The following ANKRD36B variants were observed in gnomAD, a reference collection of about 807,000 sequenced individuals.
The protein encoded by ANKRD36B is ankyrin repeat domain-containing protein 36B.
Under a neutral mutation model 135.7 loss-of-function variants are expected in ANKRD36B, and 37 were observed. The observed-to-expected ratio is 0.27, with a 90% CI of 0.21 to 0.36. The LOEUF (loss-of-function observed/expected upper bound fraction) is 0.36. ANKRD36B is among the 10% of genes least tolerant of loss of function. The pLI, the probability that ANKRD36B is intolerant of heterozygous loss-of-function variation, is 1.00. For missense variants in ANKRD36B, 549 were observed against 1,037.1 expected, an observed-to-expected ratio of 0.53 and a Z score of 6.46; for synonymous variants, 179 against 348.1, an observed-to-expected ratio of 0.51 and a Z score of 5.41.
At chr2:97,586,622 T>C (rs1279354790) in intron 1 of ANKRD36B, among the ~76,000 whole-genome samples, 1 of 152,188 alleles carries the variant, frequency 6.6e-6, no homozygotes, top group Non-Finnish European at 1.5e-5. Flanking sequence ...GGGAAGTTTA[T>C]TGTGAAAAAA....
chr2:97,574,539 G>T (rs535681068), intron 6 of ANKRD36B, among the ~76,000 whole-genome samples: 13 of 152,272 alleles, frequency 8.5e-5, no homozygotes, highest in Non-Finnish European at 1.3e-4. Flanking sequence ...CCGTTACTGG[G>T]TATACACCCA....
At chr2:97,573,734 G>GC (rs2082043891) in intron 6 of ANKRD36B, among the ~76,000 whole-genome samples, 1 of 152,036 alleles carries the variant, frequency 6.6e-6, no homozygotes, top group Non-Finnish European at 1.5e-5. Context: ...AAATAATGCT[G>GC]CATGTCTACA....
chr2:97,561,750 T>G lies in ANKRD36B; in HGVS notation c.764-890A>C, dbSNP rs532973426. Among the ~76,000 whole-genome samples, 448 of 152,096 alleles carry G rather than the reference T, an allele frequency of 2.9e-3. 3 individuals carry two copies. The highest frequency in any genetic ancestry group is 4.9e-3 in the Non-Finnish European group (332 of 67,902). On this transcript the variant is annotated intron_variant, in intron 6 of 43. Transcript: ENST00000359901. ...TATCATGTTATTCTCTAGAGAATTT[T>G]TATTAAGTTGCTATTTTATCCAATA...
intron 6 of ANKRD36B, among the ~76,000 whole-genome samples, chr2:97,561,523 A>G: frequency 6.6e-6 from 1 of 151,922 alleles, no homozygotes. Flanking sequence ...TCATTGCAAC[A>G]AGGTATAATA....
At chr2:97,556,402 TC>T (rs2080524546) in intron 12 of ANKRD36B, among the ~76,000 whole-genome samples, 1 of 151,856 alleles carries the variant, frequency 6.6e-6, no homozygotes, top group Admixed American at 6.6e-5. Context: ...GTGAGTTCAC[TC>T]AGGTTTCCTC....
chr2:97,571,104 C>T (rs2081822222), intron 6 of ANKRD36B, among the ~76,000 whole-genome samples: 2 of 152,102 alleles, frequency 1.3e-5, no homozygotes, highest in African/African-American at 2.4e-5. Context: ...AAAAATATAT[C>T]CCATAGTATG....
intron 35 of ANKRD36B, among the ~76,000 whole-genome samples, chr2:97,527,633 C>T (rs2078292008): frequency 1.0e-5 from 1 of 95,668 alleles, no homozygotes; most frequent in African/African-American, 3.1e-5. Context: ...AGTCAAGACC[C>T]ATCAGTGTGC....
Position 97,560,851 on chromosome 2 carries a change from T to C in ANKRD36B, c.773A>G (p.Gln258Arg). The C allele has an allele frequency of 6.4e-7, 1 of 1,574,740 alleles. No individual in the cohort carries two copies. The highest frequency in any genetic ancestry group is 1.4e-5 in the African/African-American group (1 of 73,928). ...AATTACCTTCTCAGCTCGTTGTTTC[T>C]GAGGAGACACTGAAAAGCAAAAGGG... ...LPINSNPVSPQKQRAEKATSD... is the reference protein window; with the variant it reads ...LPINSNPVSPRKQRAEKATSD... The change falls in exon 7 of 44, where the codon CAG becomes CGG. Residue 258 changes from glutamine (Q) to arginine (R), a missense_variant. Gln to Arg is a conservative substitution (Grantham distance 43, BLOSUM62 1). Transcript: ENST00000359901.
chr2:97,528,655 A>G (rs2078369444), intron 35 of ANKRD36B, among the ~76,000 whole-genome samples: 1 of 96,340 alleles, frequency 1.0e-5, no homozygotes, highest in East Asian at 2.3e-4. Context: ...ATAGACCGCT[A>G]GCAAGACTAA....
rs1311456942 is a variant in ANKRD36B at position 97,514,137 on chromosome 2, A to T, written c.2622-774T>A. Reference sequence around the variant, plus strand: ...GTCTTCAAATATCTTACAGAGTTTGACTCTCTTTGTTGATATTAGAAAATA... The same window carrying T: ...GTCTTCAAATATCTTACAGAGTTTGTCTCTCTTTGTTGATATTAGAAAATA... On this transcript the variant is annotated intron_variant, in intron 37 of 43. Coordinates refer to ENST00000359901, the MANE Select transcript of ANKRD36B (RefSeq NM_001393939.1). Among the ~76,000 whole-genome samples the T allele has an allele frequency of 1.5e-5, 2 of 135,318 alleles. 1 individual carries two copies. Among genetic ancestry groups the T allele is most frequent in the African/African-American group, 7.3e-5 (2 of 27,460 alleles). The allele number at this position is 135,318 out of a possible 152,430, so 88.8% of individuals were successfully genotyped here.
intron 6 of ANKRD36B, among the ~76,000 whole-genome samples, chr2:97,567,477 T>C (rs4069514): frequency 2.0e-5 from 3 of 152,032 alleles, no homozygotes; most frequent in South Asian, 2.1e-4. Context: ...AGGCTGCCTG[T>C]CATAAGTCAA....
At chr2:97,509,447 TA>T in intron 40 of ANKRD36B, 133 bp downstream of exon 40, 1 of 7,532 alleles carries the variant, frequency 1.3e-4, no homozygotes, top group Non-Finnish European at 4.4e-4. Flanking sequence ...CCATCCACTA[TA>T]AAATTTTAAT....
chr2:97,565,753 G>A (rs1327424670), intron 6 of ANKRD36B, among the ~76,000 whole-genome samples: 1 of 152,092 alleles, frequency 6.6e-6, no homozygotes, highest in African/African-American at 2.4e-5. Context: ...CACTGTTGGT[G>A]GGAGTGTCAA....
intron 5 of ANKRD36B, among the ~76,000 whole-genome samples, 190 bp downstream of exon 5, chr2:97,578,716 A>G: frequency 6.6e-6 from 1 of 152,112 alleles, no homozygotes; most frequent in Non-Finnish European, 1.5e-5. Context: ...ACTGCTACTT[A>G]TCTAGCCTTT....
At chr2:97,569,564 T>C (rs1408311033) in intron 6 of ANKRD36B, among the ~76,000 whole-genome samples, 1 of 151,768 alleles carries the variant, frequency 6.6e-6, no homozygotes, top group Non-Finnish European at 1.5e-5. Flanking sequence ...TGGATGATTA[T>C]GATGCATCAA....
At chr2:97,572,740 T>C (rs1240244374) in intron 6 of ANKRD36B, among the ~76,000 whole-genome samples, 2 of 145,280 alleles carry the variant, frequency 1.4e-5, no homozygotes, top group Non-Finnish European at 3.0e-5. Flanking sequence ...GGGACGAAAT[T>C]AAAAAAAAAA....
intron 3 of ANKRD36B, among the ~76,000 whole-genome samples, chr2:97,582,981 A>AT (rs1041039044): frequency 1.3e-5 from 2 of 151,996 alleles, no homozygotes; most frequent in Admixed American, 1.3e-4. Flanking sequence ...TTGTAACCTA[A>AT]TTTTTTTTAT....
At chr2:97,538,268 A>G (rs1337638926) in intron 31 of ANKRD36B, 28 bp from the exon 32 acceptor site, 1 of 949,508 alleles carries the variant, frequency 1.1e-6, no homozygotes, top group East Asian at 2.8e-5. Flanking sequence ...CAAAATAGTC[A>G]ATACATAATA....
intron 14 of ANKRD36B, 109 bp downstream of exon 14, chr2:97,554,951 T>C: frequency 7.3e-7 from 1 of 1,378,736 alleles, no homozygotes; most frequent in South Asian, 1.2e-5. Context: ...TCTGGCCTGC[T>C]GAATCAGAAT....
Sources: allele counts gnomAD v4.1 joint callset (sites outside exome capture counted in the v4.1 genomes callset), GRCh38; gene constraint gnomAD v4.1.1; transcripts MANE v1.5; gene names NCBI Gene and HGNC (gene_info 2026-07-23, HGNC 2026-07-21).